KREMEN1: variants seen among roughly 807,000 people sequenced by gnomAD.
KREMEN1 encodes the protein kremen protein 1.
KREMEN1 carries 30 observed loss-of-function variants against 46.5 expected under a neutral mutation model. The ratio of observed to expected loss-of-function variants is 0.65; its 90% confidence interval spans 0.48 to 0.88. The LOEUF is 0.88. Ranked by LOEUF, KREMEN1 falls within the 40% of genes least tolerant of loss-of-function variation. KREMEN1 has a pLI of 0.00. For synonymous variants in KREMEN1, 214 were observed against 230.6 expected (o/e 0.93, Z 0.65); for missense variants, 533 against 596.9 (o/e 0.89, Z 1.11).
At position 29,137,622 on chromosome 22, in the gene KREMEN1, T is replaced by C. The variant is rs746265743; in HGVS notation, c.912T>C (p.Tyr304=). ...FNVSLDFVIL[Y]FFSDRINQAQ... ...TCTCTCTGGACTTCGTCATCTTGTA[T>C]TTCTTCTCTGATCGCATCAATCAGG... The change falls in exon 6 of 9, where the codon TAT becomes TAC. Residue 304 remains tyrosine (Y), a synonymous_variant. Transcript: ENST00000400335. 1 of 1,612,148 alleles carries C rather than the reference T, an allele frequency of 6.2e-7. No individual in the cohort carries two copies.
chr22:29,131,803 T>G (rs1332040352), intron 5 of KREMEN1, among the ~76,000 whole-genome samples: 1 of 145,704 alleles, frequency 6.9e-6, no homozygotes, highest in Non-Finnish European at 1.5e-5. Context: ...TTGCAGAATA[T>G]TATATAAATG....
rs368246853 is a variant in KREMEN1 at position 29,115,278 on chromosome 22, CA to C, written c.353-6078del. On this transcript the variant is annotated intron_variant, in intron 3 of 8. Coordinates refer to ENST00000400335, the MANE Select transcript of KREMEN1 (RefSeq NM_001039570.3). ...AATGACACAGTGGACTTTGAGGACT[CA>C]GGGGGAAAAGGTGGGAACGGGGTGA... Among the ~76,000 whole-genome samples the C allele has an allele frequency of 6.2e-4, 94 of 152,220 alleles. 1 individual carries two copies. The East Asian group carries it at 0.016, about 26-fold the overall frequency.
chr22:29,090,758 G>A (rs1601758410), intron 1 of KREMEN1, among the ~76,000 whole-genome samples: 1 of 152,320 alleles, frequency 6.6e-6, no homozygotes, highest in East Asian at 1.9e-4. Context: ...GAGCATTCGA[G>A]TTGGTTTCCC....
chr22:29,110,708 T>C (rs1006592887), intron 3 of KREMEN1, among the ~76,000 whole-genome samples: 4 of 152,018 alleles, frequency 2.6e-5, no homozygotes, highest in Non-Finnish European at 5.9e-5. Context: ...AGAATCAGAG[T>C]GACTGAAAAG....
At chr22:29,115,332 G>A (rs560825321) in intron 3 of KREMEN1, among the ~76,000 whole-genome samples, 2 of 152,274 alleles carry the variant, frequency 1.3e-5, no homozygotes, top group East Asian at 3.9e-4. Flanking sequence ...ATTGAGTGCA[G>A]TGTATACTGC....
chr22:29,131,903 A>G lies in KREMEN1; in HGVS notation c.632-5439A>G, dbSNP rs867255221. ...TTTTTTTTTTTTGAGATGGAGTTTC[A>G]CTCTTGTTGCCCAGTCTAGAGTGCA... On this transcript the variant is annotated intron_variant, in intron 5 of 8. Coordinates refer to ENST00000400335, the MANE Select transcript of KREMEN1 (RefSeq NM_001039570.3). Among the ~76,000 whole-genome samples the G allele has an allele frequency of 9.7e-3, 859 of 88,224 alleles. 8 individuals are homozygous for G. Among genetic ancestry groups the G allele is most frequent in the Middle Eastern group, 0.041 (3 of 74 alleles). 57.9% of individuals were successfully genotyped at this position (88,224 alleles called of 152,430 possible). A position where few individuals can be genotyped will look rare whatever the true frequency, so the allele number is the denominator to read the frequency against.
rs537049284 is a variant in KREMEN1 at position 29,117,312 on chromosome 22, A to G, written c.353-4045A>G. 5.9e-5 allele frequency among the ~76,000 whole-genome samples: 9 copies of G among 152,340 alleles called. No homozygotes were observed. In the South Asian group the frequency reaches 1.7e-3, roughly 28 times the overall value. ...ACCGGGCGCAGTAGCTCACGCCTGT[A>G]ATCCCAGCACTTTGGGAGGCCAAGG... On this transcript the variant is annotated intron_variant, in intron 3 of 8. Transcript: ENST00000400335.
At chr22:29,078,248 AC>A (rs1286240424) in intron 1 of KREMEN1, among the ~76,000 whole-genome samples, 1 of 152,280 alleles carries the variant, frequency 6.6e-6, no homozygotes, top group East Asian at 1.9e-4. Flanking sequence ...ACAGAGCAAG[AC>A]CCTGTCTCAA....
At chr22:29,167,323 C>T in exon 10 of KREMEN1, 1 of 571,134 alleles carries the variant, frequency 1.8e-6, no homozygotes, top group Non-Finnish European at 3.1e-6. Context: ...CACACCACCA[C>T]ACTCCAGCCT....
chr22:29,120,067 A>G (rs1329773344), intron 3 of KREMEN1, among the ~76,000 whole-genome samples: 1 of 126,748 alleles, frequency 7.9e-6, no homozygotes. Flanking sequence ...GGGAGGAGGG[A>G]GAGGTGATGA....
At chr22:29,149,839 C>A (rs1034452117), downstream of KREMEN1, among the ~76,000 whole-genome samples, 4 of 152,290 alleles carry the variant, frequency 2.6e-5, no homozygotes, top group South Asian at 8.3e-4. Flanking sequence ...GAGCCAGCAC[C>A]AGGGCAGCAC....
intron 9 of KREMEN1, among the ~76,000 whole-genome samples, chr22:29,153,898 G>T (rs1253614208): frequency 1.3e-5 from 2 of 151,782 alleles, no homozygotes; most frequent in African/African-American, 4.8e-5. Flanking sequence ...CTTGAACCTG[G>T]GAGGCGGAGG....
chr22:29,139,715 G>A (rs566139066), intron 7 of KREMEN1, among the ~76,000 whole-genome samples: 1 of 152,370 alleles, frequency 6.6e-6, no homozygotes, highest in Admixed American at 6.5e-5. Context: ...TGAGGATGCA[G>A]TGAGCCAAGG....
At chr22:29,152,619 C>T (rs562421050) in intron 9 of KREMEN1, among the ~76,000 whole-genome samples, 10 of 152,290 alleles carry the variant, frequency 6.6e-5, no homozygotes, top group Middle Eastern at 3.4e-3. Context: ...AGCTCCTCCC[C>T]GCCCCTTGCA....
intron 8 of KREMEN1, among the ~76,000 whole-genome samples, chr22:29,140,662 A>T (rs544311402): frequency 3.3e-5 from 5 of 152,226 alleles, no homozygotes; most frequent in Admixed American, 6.5e-5. Flanking sequence ...CCTTACGGAG[A>T]TCTTTATGCA....
At chr22:29,085,473 A>AT (rs1460083746) in intron 1 of KREMEN1, among the ~76,000 whole-genome samples, 2 of 152,206 alleles carry the variant, frequency 1.3e-5, no homozygotes, top group East Asian at 3.8e-4. Flanking sequence ...TAGAAAAAAA[A>AT]ACAATAATTC....
At chr22:29,107,411 C>T (rs1455829767) in intron 3 of KREMEN1, among the ~76,000 whole-genome samples, 14 of 151,578 alleles carry the variant, frequency 9.2e-5, no homozygotes, top group Non-Finnish European at 1.6e-4. Flanking sequence ...TTAGTAGAGA[C>T]GGGGTTCACC....
intron 4 of KREMEN1, 41 bp downstream of exon 4, chr22:29,121,522 G>A: frequency 1.2e-6 from 2 of 1,601,882 alleles, no homozygotes; most frequent in Non-Finnish European, 1.7e-6. Flanking sequence ...AAAATATAAA[G>A]ATGTAAATGC....
chr22:29,131,610 GTGTATATATATGTATATA>G, intron 5 of KREMEN1, among the ~76,000 whole-genome samples: 1 of 133,328 alleles, frequency 7.5e-6, no homozygotes, highest in South Asian at 2.2e-4. Flanking sequence ...GTATATATGT[GTGTATATATATGTATATA>G]TGTATATATA....
Sources: gnomAD v4.1 joint callset for allele counts (sites outside exome capture counted in the v4.1 genomes callset) on GRCh38, gnomAD v4.1.1 for gene constraint, MANE v1.5 for transcripts, NCBI Gene and HGNC (gene_info 2026-07-23, HGNC 2026-07-21) for gene names.